NELL1: variants seen among roughly 807,000 people sequenced by gnomAD.
NELL1 encodes the protein protein kinase C-binding protein NELL1.
NELL1 carries 76 observed loss-of-function variants against 107.4 expected under a neutral mutation model. That is an observed-to-expected ratio of 0.71 (90% confidence interval 0.59 to 0.86). The LOEUF (loss-of-function observed/expected upper bound fraction) is 0.86. Among genes scored for constraint, NELL1 ranks in the 40% least tolerant of loss-of-function variants. NELL1 has a pLI of 0.00. For missense variants in NELL1, 1,024 were observed against 1,005.5 expected, an observed-to-expected ratio of 1.02 and a Z score of -0.25; for synonymous variants, 353 against 341.2, an observed-to-expected ratio of 1.03 and a Z score of -0.38.
intron 15 of NELL1, among the ~76,000 whole-genome samples, chr11:21,421,698 C>T (rs554413013): frequency 4.0e-5 from 6 of 151,798 alleles, no homozygotes; most frequent in South Asian, 2.1e-4. Flanking sequence ...CACAAGCAGA[C>T]GAGAGAGAAA....
chr11:20,972,026 G>A, intron 12 of NELL1, among the ~76,000 whole-genome samples: 1 of 150,690 alleles, frequency 6.6e-6, no homozygotes, highest in South Asian at 2.1e-4. Context: ...GGCCTGCTGG[G>A]GAGCGGGGTG....
At chr11:21,484,890 C>G (rs1854586868) in intron 15 of NELL1, among the ~76,000 whole-genome samples, 1 of 152,050 alleles carries the variant, frequency 6.6e-6, no homozygotes, top group African/African-American at 2.4e-5. Flanking sequence ...AGTAGACAGT[C>G]ACAGTTCACA....
intron 2 of NELL1, among the ~76,000 whole-genome samples, chr11:20,701,545 G>T (rs1250988737): frequency 6.6e-6 from 1 of 152,060 alleles, no homozygotes; most frequent in East Asian, 1.9e-4. Context: ...GGCTTTTGTT[G>T]CCATTGCTTT....
At chr11:21,553,331 T>A (rs1414615552) in intron 16 of NELL1, among the ~76,000 whole-genome samples, 1 of 151,880 alleles carries the variant, frequency 6.6e-6, no homozygotes, top group Admixed American at 6.6e-5. Flanking sequence ...TGTTGCTTCC[T>A]CTCATTGGCA....
chr11:20,901,703 G>C (rs1048821516), intron 5 of NELL1, among the ~76,000 whole-genome samples: 1 of 151,844 alleles, frequency 6.6e-6, no homozygotes, highest in African/African-American at 2.4e-5. Context: ...TTATTGTAAA[G>C]TTATAGCAAT....
intron 12 of NELL1, among the ~76,000 whole-genome samples, chr11:21,060,389 GTTAA>G (rs1283335830): frequency 6.6e-6 from 1 of 152,142 alleles, no homozygotes; most frequent in African/African-American, 2.4e-5. Flanking sequence ...AGCTGTTGTT[GTTAA>G]TTAATAAGTT....
intron 12 of NELL1, among the ~76,000 whole-genome samples, chr11:21,056,126 T>C (rs1201723930): frequency 6.6e-6 from 1 of 152,156 alleles, no homozygotes; most frequent in African/African-American, 2.4e-5. Context: ...AGAGGTCCAG[T>C]AATTTGCCCA....
At chr11:21,403,027 A>G (rs903655135) in intron 15 of NELL1, among the ~76,000 whole-genome samples, 2 of 151,742 alleles carry the variant, frequency 1.3e-5, no homozygotes, top group Non-Finnish European at 2.9e-5. Context: ...AAAAACCATC[A>G]AGTAAAAGGT....
At chr11:20,688,603 A>G (rs1854368983) in intron 2 of NELL1, among the ~76,000 whole-genome samples, 1 of 152,162 alleles carries the variant, frequency 6.6e-6, no homozygotes, top group African/African-American at 2.4e-5. Flanking sequence ...TGGTATATAC[A>G]TATATACCAC....
At chr11:21,165,025 T>C (rs1047768519) in intron 13 of NELL1, among the ~76,000 whole-genome samples, 1 of 152,230 alleles carries the variant, frequency 6.6e-6, no homozygotes, top group African/African-American at 2.4e-5. Flanking sequence ...TTTGTTTTGA[T>C]TGACAGCATT....
chr11:21,254,359 A>T (rs781474179), intron 14 of NELL1, among the ~76,000 whole-genome samples: 1 of 152,144 alleles, frequency 6.6e-6, no homozygotes, highest in Non-Finnish European at 1.5e-5. Context: ...AAATTACATT[A>T]TGGAAATTGC....
chr11:21,184,196 C>A (rs1311984316), intron 13 of NELL1, among the ~76,000 whole-genome samples: 1 of 151,906 alleles, frequency 6.6e-6, no homozygotes, highest in African/African-American at 2.4e-5. Flanking sequence ...CCCACATTCC[C>A]TCCTACCCCA....
At chr11:21,542,322 C>G (rs1264668328) in intron 16 of NELL1, among the ~76,000 whole-genome samples, 3 of 152,056 alleles carry the variant, frequency 2.0e-5, no homozygotes, top group Non-Finnish European at 4.4e-5. Context: ...TATGTTCACA[C>G]TGCACTGCTT....
At chr11:21,443,909 A>C (rs1367253644) in intron 15 of NELL1, among the ~76,000 whole-genome samples, 2 of 152,126 alleles carry the variant, frequency 1.3e-5, no homozygotes, top group African/African-American at 4.8e-5. Flanking sequence ...TCTGATTATA[A>C]AATATGCTAC....
At chr11:20,898,388 G>A (rs570233268) in intron 5 of NELL1, among the ~76,000 whole-genome samples, 8 of 152,108 alleles carry the variant, frequency 5.3e-5, no homozygotes, top group Admixed American at 1.3e-4. Context: ...CATGGACACA[G>A]GAAGGGGAAT....
rs561617997 is a variant in NELL1 at position 21,483,167 on chromosome 11, T to C, written c.1646-51207T>C. ...TATAGTATAGTATAGCTGCTCTGTATTGATGGTGCAAGTCAAGGCCAGATT... is the reference window on the plus strand; with the variant it reads ...TATAGTATAGTATAGCTGCTCTGTACTGATGGTGCAAGTCAAGGCCAGATT... On this transcript the variant is annotated intron_variant, in intron 15 of 19. Transcript: ENST00000357134. Among the ~76,000 whole-genome samples, 30 of 152,256 alleles carry C rather than the reference T, an allele frequency of 2.0e-4. No individual in the cohort carries two copies. The South Asian group carries it at 4.6e-3, about 23-fold the overall frequency.
intron 11 of NELL1, among the ~76,000 whole-genome samples, chr11:20,959,679 G>A (rs147589501): frequency 2.7e-4 from 41 of 152,282 alleles, no homozygotes; most frequent in Admixed American, 2.7e-3. Flanking sequence ...AAAGGTGCCT[G>A]GGGTTGAAAG....
intron 3 of NELL1, among the ~76,000 whole-genome samples, chr11:20,784,111 T>C (rs999886544): frequency 2.0e-5 from 3 of 151,982 alleles, no homozygotes; most frequent in South Asian, 2.1e-4. Flanking sequence ...TCAAGCAAGT[T>C]AGTTAGTTAT....
intron 13 of NELL1, among the ~76,000 whole-genome samples, chr11:21,163,147 T>C (rs1166840737): frequency 6.6e-6 from 1 of 152,046 alleles, no homozygotes; most frequent in Non-Finnish European, 1.5e-5. Context: ...ACATGGGGAA[T>C]GTTAGGGTAA....
Sources: gnomAD v4.1 joint callset for allele counts (sites outside exome capture counted in the v4.1 genomes callset) on GRCh38, gnomAD v4.1.1 for gene constraint, MANE v1.5 for transcripts, NCBI Gene and HGNC (gene_info 2026-07-23, HGNC 2026-07-21) for gene names.